The following EEFSEC variants were observed in gnomAD, a reference collection of about 807,000 sequenced individuals.
EEFSEC encodes eukaryotic elongation factor, selenocysteine-tRNA specific.
A neutral mutation model predicts 42.1 loss-of-function variants in EEFSEC; 43 were observed. The observed-to-expected ratio is 1.02, with a 90% confidence interval of 0.80 to 1.32. EEFSEC has a LOEUF of 1.32. Among genes scored for constraint, EEFSEC ranks in the 40% most tolerant of loss-of-function variants. EEFSEC has a pLI of 0.00. For missense variants in EEFSEC, 745 were observed against 803.6 expected, an observed-to-expected ratio of 0.93 and a Z score of 0.88; for synonymous variants, 354 against 339.1, an observed-to-expected ratio of 1.04 and a Z score of -0.48.
At chr3:128,247,711 A>G (rs1448820790) in intron 2 of EEFSEC, among the ~76,000 whole-genome samples, 1 of 152,128 alleles carries the variant, frequency 6.6e-6, no homozygotes, top group African/African-American at 2.4e-5. Context: ...GGGTGGCTAG[A>G]TGAGGTTTTT....
At chr3:128,325,718 C>T (rs2067056893) in intron 4 of EEFSEC, among the ~76,000 whole-genome samples, 1 of 152,134 alleles carries the variant, frequency 6.6e-6, no homozygotes, top group Non-Finnish European at 1.5e-5. Context: ...AAAAAACCTC[C>T]CCCTTAACTA....
chr3:128,311,364 A>C (rs2066887973), intron 4 of EEFSEC, among the ~76,000 whole-genome samples: 1 of 152,268 alleles, frequency 6.6e-6, no homozygotes, highest in Non-Finnish European at 1.5e-5. Flanking sequence ...TGGTCAGAAG[A>C]AGCATGGACA....
chr3:128,367,876 C>G, intron 6 of EEFSEC: 1 of 980,922 alleles, frequency 1.0e-6, no homozygotes, highest in Non-Finnish European at 1.2e-6. Flanking sequence ...CGTGCTGACT[C>G]CAGCTCAGGC....
intron 4 of EEFSEC, among the ~76,000 whole-genome samples, chr3:128,286,625 A>G (rs1421107090): frequency 2.6e-5 from 4 of 152,122 alleles, no homozygotes; most frequent in Non-Finnish European, 2.9e-5. Context: ...ACTTTCTGGC[A>G]CTATAAGGTG....
At chr3:128,261,880 A>G (rs2066300313) in intron 2 of EEFSEC, among the ~76,000 whole-genome samples, 1 of 152,190 alleles carries the variant, frequency 6.6e-6, no homozygotes, top group Non-Finnish European at 1.5e-5. Flanking sequence ...GGAGGTTAAT[A>G]TCTAAGAGAG....
chr3:128,167,499 G>T (rs1160682626), intron 1 of EEFSEC, among the ~76,000 whole-genome samples: 2 of 152,228 alleles, frequency 1.3e-5, no homozygotes, highest in African/African-American at 4.8e-5. Context: ...CTTGCCTTGA[G>T]GTTAGACAAG....
chr3:128,261,587 CT>C (rs1481747589), intron 2 of EEFSEC, among the ~76,000 whole-genome samples: 2 of 94,672 alleles, frequency 2.1e-5, no homozygotes, highest in African/African-American at 6.7e-5. Flanking sequence ...AACAATGTTC[CT>C]TTTTTTAAAT....
At chr3:128,222,985 CA>C (rs772448374) in intron 1 of EEFSEC, among the ~76,000 whole-genome samples, 8 of 152,136 alleles carry the variant, frequency 5.3e-5, no homozygotes, top group South Asian at 4.1e-4. Context: ...CCTGAAAGAC[CA>C]ACCATGTCAT....
intron 4 of EEFSEC, among the ~76,000 whole-genome samples, chr3:128,288,356 G>C (rs1000300380): frequency 1.3e-5 from 2 of 152,124 alleles, no homozygotes; most frequent in Non-Finnish European, 2.9e-5. Flanking sequence ...CTGTATTCTA[G>C]ACCAGAAGAA....
At chr3:128,282,383 C>T (rs922486779) in intron 4 of EEFSEC, among the ~76,000 whole-genome samples, 11 of 152,242 alleles carry the variant, frequency 7.2e-5, no homozygotes, top group African/African-American at 2.7e-4. Context: ...TTTGCTTAAG[C>T]ATTGCTCTTG....
chr3:128,195,680 C>G (rs566805258), intron 1 of EEFSEC, among the ~76,000 whole-genome samples: 1 of 152,158 alleles, frequency 6.6e-6, no homozygotes, highest in Non-Finnish European at 1.5e-5. Flanking sequence ...TAAGTGTTTC[C>G]CTCTGTCAGT....
At chr3:128,359,081 C>A (rs548244467) in intron 6 of EEFSEC, among the ~76,000 whole-genome samples, 15 of 152,006 alleles carry the variant, frequency 9.9e-5, no homozygotes, top group Non-Finnish European at 1.9e-4. Flanking sequence ...GTAGGCACCA[C>A]GTAGAAAGAT....
intron 4 of EEFSEC, among the ~76,000 whole-genome samples, chr3:128,318,686 T>A (rs559635267): frequency 4.5e-4 from 69 of 152,278 alleles, no homozygotes; most frequent in African/African-American, 1.5e-3. Flanking sequence ...CAGTGTCACC[T>A]ATTTGCCAGC....
chr3:128,424,732 C>T, the EEFSEC span, among the ~76,000 whole-genome samples: 7 of 152,158 alleles, frequency 4.6e-5, no homozygotes, highest in South Asian at 6.2e-4. Flanking sequence ...GAAAAGTGCG[C>T]GGAGTATAAT....
the EEFSEC span, among the ~76,000 whole-genome samples, chr3:128,422,206 T>C: frequency 7.9e-5 from 12 of 152,254 alleles, no homozygotes; most frequent in East Asian, 1.5e-3. Context: ...CCTGGCTCCC[T>C]AGAACTCTAG....
chr3:128,269,353 C>G (rs2066390230), intron 4 of EEFSEC, among the ~76,000 whole-genome samples: 1 of 152,256 alleles, frequency 6.6e-6, no homozygotes, highest in Non-Finnish European at 1.5e-5. Context: ...TTTGCTGAGG[C>G]CTTGCCTGGG....
chr3:128,301,859 G>A (rs901791530), intron 4 of EEFSEC, among the ~76,000 whole-genome samples: 1 of 152,004 alleles, frequency 6.6e-6, no homozygotes, highest in African/African-American at 2.4e-5. Context: ...CTCCCATGGG[G>A]GGCAGGAAAT....
In EEFSEC at chr3:128,398,274, C is replaced by T. The variant is rs551244604; in HGVS notation, c.1601-9795C>T. ...GCCAAGATGCTACAGAGCCTTGTGCCGAGAGAGCCAAGGGAGACAGAAGCG... is the reference window on the plus strand; with the variant it reads ...GCCAAGATGCTACAGAGCCTTGTGCTGAGAGAGCCAAGGGAGACAGAAGCG... On this transcript the variant is annotated intron_variant, in intron 6 of 6. Coordinates refer to ENST00000254730, the MANE Select transcript of EEFSEC (RefSeq NM_021937.5). Among the ~76,000 whole-genome samples, 50 of 151,910 alleles carry T rather than the reference C, an allele frequency of 3.3e-4. 1 individual carries two copies. Among genetic ancestry groups the T allele is most frequent in the African/African-American group, 8.4e-4 (35 of 41,434 alleles).
intron 1 of EEFSEC, among the ~76,000 whole-genome samples, chr3:128,238,230 A>G (rs1460230309): frequency 6.6e-6 from 1 of 152,212 alleles, no homozygotes; most frequent in East Asian, 1.9e-4. Flanking sequence ...TGCAGGAACC[A>G]GGGTAAAGTT....
Sources: allele counts gnomAD v4.1 joint callset (sites outside exome capture counted in the v4.1 genomes callset), GRCh38; gene constraint gnomAD v4.1.1; transcripts MANE v1.5; gene names NCBI Gene and HGNC (gene_info 2026-07-23, HGNC 2026-07-21).